Variants in GRIN2A observed in about 807,000 individuals in gnomAD.
GRIN2A encodes glutamate ionotropic receptor NMDA type subunit 2A.
A neutral mutation model predicts 113.4 loss-of-function variants in GRIN2A; 22 were observed. The observed-to-expected ratio is 0.19, with a 90% CI of 0.14 to 0.28. The LOEUF is 0.28. GRIN2A is among the 10% of genes least tolerant of loss of function. The pLI is 1.00. For missense variants in GRIN2A, 1,502 were observed against 1,887.0 expected (o/e 0.80, Z 3.78); for synonymous variants, 827 against 738.4 (o/e 1.12, Z -1.94).
chr16:10,049,634 C>A (rs552768374), intron 2 of GRIN2A, among the ~76,000 whole-genome samples: 53 of 152,340 alleles, frequency 3.5e-4, no homozygotes, highest in Non-Finnish European at 1.0e-4. Context: ...CCGCCTTGGC[C>A]TCCCAAAGTG....
At chr16:9,877,046 C>T (rs532496481) in intron 4 of GRIN2A, among the ~76,000 whole-genome samples, 2 of 152,248 alleles carry the variant, frequency 1.3e-5, no homozygotes, top group African/African-American at 2.4e-5. Context: ...ATCATTCATC[C>T]TAGGAACTGT....
At chr16:9,940,923 G>C (rs1008564949) in intron 2 of GRIN2A, among the ~76,000 whole-genome samples, 1 of 152,186 alleles carries the variant, frequency 6.6e-6, no homozygotes, top group Non-Finnish European at 1.5e-5. Context: ...CACAGAAGTA[G>C]AGTCTAAAGG....
At chr16:10,012,566 T>G (rs1423318221) in intron 2 of GRIN2A, among the ~76,000 whole-genome samples, 1 of 152,090 alleles carries the variant, frequency 6.6e-6, no homozygotes, top group Non-Finnish European at 1.5e-5. Context: ...CCCCCAAAGG[T>G]GTCCATGTCC....
chr16:10,136,302 C>A (rs577407862), intron 2 of GRIN2A, among the ~76,000 whole-genome samples: 10 of 152,140 alleles, frequency 6.6e-5, no homozygotes, highest in African/African-American at 2.4e-4. Flanking sequence ...CAGATGAAGG[C>A]GAAAACAACT....
At chr16:10,063,619 G>C (rs569112763) in intron 2 of GRIN2A, among the ~76,000 whole-genome samples, 1 of 152,082 alleles carries the variant, frequency 6.6e-6, no homozygotes, top group Non-Finnish European at 1.5e-5. Context: ...TTAGTATCCC[G>C]TGAATATTTG....
intron 2 of GRIN2A, among the ~76,000 whole-genome samples, chr16:10,176,306 T>C (rs2050147912): frequency 6.6e-6 from 1 of 152,150 alleles, no homozygotes; most frequent in Non-Finnish European, 1.5e-5. Context: ...CGCTCAGCCT[T>C]ATTTTCACCT....
chr16:9,902,971 G>T (rs1320547298), intron 3 of GRIN2A, among the ~76,000 whole-genome samples: 43 of 78,736 alleles, frequency 5.5e-4, no homozygotes, highest in Non-Finnish European at 9.8e-4. Context: ...GCGGGGGGGT[G>T]GGGGGGTGGG....
At chr16:10,044,336 A>G (rs925411669) in intron 2 of GRIN2A, among the ~76,000 whole-genome samples, 1 of 151,854 alleles carries the variant, frequency 6.6e-6, no homozygotes, top group African/African-American at 2.4e-5. Context: ...CTGGCCTGCA[A>G]TATTTTTTCA....
chr16:9,889,158 T>C (rs561859792), intron 4 of GRIN2A, among the ~76,000 whole-genome samples: 1 of 152,290 alleles, frequency 6.6e-6, no homozygotes, highest in South Asian at 2.1e-4. Flanking sequence ...TATGAGCTAT[T>C]CAGATCGTCA....
intron 10 of GRIN2A, among the ~76,000 whole-genome samples, chr16:9,811,773 C>T (rs976572466): frequency 2.6e-5 from 4 of 152,080 alleles, no homozygotes; most frequent in Non-Finnish European, 5.9e-5. Flanking sequence ...AACAAACAAA[C>T]AAAAACAAAC....
chr16:9,795,327 C>G (rs555986209), intron 11 of GRIN2A, among the ~76,000 whole-genome samples: 1 of 152,272 alleles, frequency 6.6e-6, no homozygotes, highest in African/African-American at 2.4e-5. Flanking sequence ...ACACTCCCAC[C>G]AGCGCCATGA....
intron 2 of GRIN2A, among the ~76,000 whole-genome samples, chr16:10,052,436 C>A (rs993840070): frequency 6.6e-6 from 1 of 152,208 alleles, no homozygotes; most frequent in Non-Finnish European, 1.5e-5. Flanking sequence ...TTTTACATAT[C>A]ATGCACTGAA....
At chr16:9,786,647 T>C (rs1902246638) in intron 11 of GRIN2A, among the ~76,000 whole-genome samples, 1 of 151,948 alleles carries the variant, frequency 6.6e-6, no homozygotes, top group Non-Finnish European at 1.5e-5. Flanking sequence ...TCTATGAGGG[T>C]TTATAGCAGC....
chr16:9,766,100 C>A lies in GRIN2A; in HGVS notation c.2596-1152G>T, dbSNP rs140591658. Among the ~76,000 whole-genome samples, 1,397 of 152,282 alleles carry A rather than the reference C, an allele frequency of 9.2e-3. 88 individuals are homozygous for A. The highest frequency in any genetic ancestry group is 0.087 in the Admixed American group (1,329 of 15,290). ...CCACTCCTACCCCAGATTTCAGCAGCCGTACCTACAGGAAACAGTCAGATC... is the reference window on the plus strand; with the variant it reads ...CCACTCCTACCCCAGATTTCAGCAGACGTACCTACAGGAAACAGTCAGATC... On this transcript the variant is annotated intron_variant, in intron 12 of 12. Coordinates refer to ENST00000330684, the MANE Select transcript of GRIN2A (RefSeq NM_001134407.3).
At chr16:10,129,590 G>A (rs530497573) in intron 2 of GRIN2A, among the ~76,000 whole-genome samples, 1 of 152,154 alleles carries the variant, frequency 6.6e-6, no homozygotes, top group Non-Finnish European at 1.5e-5. Context: ...CAAGCAAACG[G>A]AACAACAAGT....
chr16:10,019,303 C>T (rs2046672077), intron 2 of GRIN2A, among the ~76,000 whole-genome samples: 1 of 152,162 alleles, frequency 6.6e-6, no homozygotes, highest in African/African-American at 2.4e-5. Flanking sequence ...TACTGTTTAT[C>T]ATTGTTTTAT....
chr16:9,859,367 A>G (rs1166326818), intron 4 of GRIN2A, among the ~76,000 whole-genome samples: 1 of 152,158 alleles, frequency 6.6e-6, no homozygotes, highest in Non-Finnish European at 1.5e-5. Context: ...TGTCTGATAC[A>G]TAAGTGTCCA....
intron 2 of GRIN2A, among the ~76,000 whole-genome samples, chr16:10,064,266 C>A (rs180868475): frequency 1.3e-5 from 2 of 152,266 alleles, no homozygotes; most frequent in Admixed American, 1.3e-4. Context: ...AGGGGCCCTG[C>A]ATCAACAGGT....
rs1288452578 is a variant in GRIN2A, at chr16:9,762,890, GC to G, written c.*258del. 4 of 558,084 alleles carry G rather than the reference GC, an allele frequency of 7.2e-6. No individual in the cohort carries two copies. The highest frequency in any genetic ancestry group is 1.3e-5 in the Non-Finnish European group (4 of 312,586). 34.6% of individuals were successfully genotyped at this position (558,084 alleles called of 1,614,324 possible). A position where few individuals can be genotyped will look rare whatever the true frequency, so the allele number is the denominator to read the frequency against. On this transcript the variant is annotated 3_prime_UTR_variant, in exon 13 of 13. Coordinates refer to ENST00000330684, the MANE Select transcript of GRIN2A (RefSeq NM_001134407.3). ...CCCAGTAGGCATGTCCCGGAGACTT[GC>G]CCTTATGTAGTTAGTTATTTTTGGT...
Sources: gnomAD v4.1 joint callset for allele counts (sites outside exome capture counted in the v4.1 genomes callset) on GRCh38, gnomAD v4.1.1 for gene constraint, MANE v1.5 for transcripts, NCBI Gene and HGNC (gene_info 2026-07-23, HGNC 2026-07-21) for gene names.